The following RASAL2 variants were observed in gnomAD, a reference collection of about 807,000 sequenced individuals.
RASAL2 encodes ras GTPase-activating protein nGAP.
Under a neutral mutation model 128.9 loss-of-function variants are expected in RASAL2, and 58 were observed. That is an observed-to-expected ratio of 0.45 (90% CI 0.36 to 0.56). RASAL2 has a LOEUF of 0.56. RASAL2 is among the 20% of genes least tolerant of loss of function. The pLI, the probability that RASAL2 is intolerant of heterozygous loss-of-function variation, is 0.00. For synonymous variants in RASAL2, 561 were observed against 580.8 expected, an observed-to-expected ratio of 0.97 and a Z score of 0.49; for missense variants, 1,360 against 1,601.6, an observed-to-expected ratio of 0.85 and a Z score of 2.57.
In RASAL2 at chr1:178,478,809, G is replaced by A. The variant is rs1343982047; in HGVS notation, c.*5570G>A. On this transcript the variant is annotated 3_prime_UTR_variant, in exon 18 of 18. Coordinates refer to ENST00000367649, the MANE Select transcript of RASAL2 (RefSeq NM_170692.4). ...ATAGATACGTTTGAGGTCTTTTATTGATATTCCTACAAAGAATACAAATAA... is the reference window on the plus strand; with the variant it reads ...ATAGATACGTTTGAGGTCTTTTATTAATATTCCTACAAAGAATACAAATAA... 1 of 152,064 alleles carries A rather than the reference G, an allele frequency of 6.6e-6. No individual in the cohort carries two copies. The highest frequency in any genetic ancestry group is 1.9e-4 in the East Asian group (1 of 5,190). 9.4% of individuals were successfully genotyped at this position (152,064 alleles called of 1,614,324 possible).
intron 4 of RASAL2, among the ~76,000 whole-genome samples, chr1:178,419,727 G>T (rs1014806772): frequency 2.0e-5 from 3 of 152,132 alleles, no homozygotes; most frequent in Non-Finnish European, 2.9e-5. Context: ...CTCACTATTT[G>T]CCAGGTGCAG....
At chr1:178,155,845 C>T (rs1661067786) in intron 1 of RASAL2, among the ~76,000 whole-genome samples, 3 of 152,040 alleles carry the variant, frequency 2.0e-5, no homozygotes, top group African/African-American at 7.2e-5. Flanking sequence ...ACATCTATAT[C>T]CAAGTTGTTA....
At chr1:178,144,208 C>T (rs370024492) in intron 1 of RASAL2, among the ~76,000 whole-genome samples, 131 of 152,240 alleles carry the variant, frequency 8.6e-4, no homozygotes, top group African/African-American at 3.0e-3. Context: ...AGATAGATTC[C>T]GTACAGAGAG....
At chr1:178,289,232 CTCATT>C (rs1557879558) in intron 2 of RASAL2, among the ~76,000 whole-genome samples, 1 of 152,120 alleles carries the variant, frequency 6.6e-6, no homozygotes, top group Admixed American at 6.6e-5. Flanking sequence ...GAGTTGATCA[CTCATT>C]TCTTCTCCTA....
intron 1 of RASAL2, among the ~76,000 whole-genome samples, chr1:178,254,198 A>G (rs1665203063): frequency 6.6e-6 from 1 of 152,040 alleles, no homozygotes; most frequent in South Asian, 2.1e-4. Flanking sequence ...CTTCTTCCCC[A>G]TCATTTTATT....
chr1:178,126,017 A>C (rs904446430), intron 1 of RASAL2, among the ~76,000 whole-genome samples: 1 of 152,226 alleles, frequency 6.6e-6, no homozygotes, highest in Non-Finnish European at 1.5e-5. Flanking sequence ...AATGTTTACT[A>C]TGTGCCAGAC....
At chr1:178,300,202 G>T in intron 3 of RASAL2, 84 bp downstream of exon 3, 1 of 1,414,292 alleles carries the variant, frequency 7.1e-7, no homozygotes, top group Non-Finnish European at 9.5e-7. Context: ...AGAACATCCT[G>T]CATTTCCTGT....
chr1:178,247,112 T>C (rs1243693806), intron 1 of RASAL2, among the ~76,000 whole-genome samples: 1 of 152,226 alleles, frequency 6.6e-6, no homozygotes, highest in Non-Finnish European at 1.5e-5. Flanking sequence ...CCTCTTTTTC[T>C]GTTGTTTGGA....
At chr1:178,380,597 CCAGA>C (rs1470329955) in intron 3 of RASAL2, among the ~76,000 whole-genome samples, 2 of 151,998 alleles carry the variant, frequency 1.3e-5, no homozygotes, top group Non-Finnish European at 2.9e-5. Context: ...GGGCAGGTGT[CCAGA>C]CAAAGTATGC....
chr1:178,290,551 TAGAC>T (rs549274137), intron 2 of RASAL2, among the ~76,000 whole-genome samples: 93 of 152,326 alleles, frequency 6.1e-4, no homozygotes, highest in Admixed American at 5.6e-3. Context: ...CATTTGGAAT[TAGAC>T]AGCAGTGGTA....
rs144506338 is a variant in RASAL2 at position 178,457,020 on chromosome 1, C to A, written c.2390+121C>A. 7.6e-6 allele frequency: 7 copies of A among 921,344 alleles called. No individual in the cohort carries two copies. The East Asian group carries it at 1.5e-4, about 20-fold the overall frequency. 57.1% of individuals were successfully genotyped at this position (921,344 alleles called of 1,614,324 possible). ...AAATCATGAGCAACTGAAGACTCAT[C>A]TGACCTGAGAGCAGTCCAATTATTT... On this transcript the variant is annotated intron_variant, in intron 13 of 17. Transcript: ENST00000367649.
intron 1 of RASAL2, among the ~76,000 whole-genome samples, chr1:178,106,196 A>C (rs1393596736): frequency 6.6e-6 from 1 of 152,162 alleles, no homozygotes; most frequent in East Asian, 1.9e-4. Context: ...TTTATGTAAT[A>C]ATTTTCCAAA....
At chr1:178,390,063 T>C in intron 3 of RASAL2, 37 bp from the exon 4 acceptor site, 5 of 1,405,718 alleles carry the variant, frequency 3.6e-6, no homozygotes, top group Non-Finnish European at 4.9e-6. Context: ...AAATTTGGGG[T>C]TCTTAATGAT....
chr1:178,124,828 GT>G (rs201344402), intron 1 of RASAL2, among the ~76,000 whole-genome samples: 1 of 151,864 alleles, frequency 6.6e-6, no homozygotes, highest in Admixed American at 6.6e-5. Flanking sequence ...AGTTGATTTG[GT>G]TTTTTAAAAA....
At chr1:178,462,154 C>T (rs1296751885) in intron 14 of RASAL2, among the ~76,000 whole-genome samples, 1 of 152,152 alleles carries the variant, frequency 6.6e-6, no homozygotes, top group Non-Finnish European at 1.5e-5. Context: ...TACTAACCTC[C>T]TCCCTCAATT....
intron 5 of RASAL2, among the ~76,000 whole-genome samples, chr1:178,434,646 G>A (rs924924605): frequency 1.3e-5 from 2 of 152,014 alleles, no homozygotes; most frequent in South Asian, 2.1e-4. Flanking sequence ...AGAGACTACT[G>A]GCTTTAACTA....
At chr1:178,136,259 T>C (rs1230012144) in intron 1 of RASAL2, among the ~76,000 whole-genome samples, 1 of 152,194 alleles carries the variant, frequency 6.6e-6, no homozygotes, top group East Asian at 1.9e-4. Flanking sequence ...GGCAATATAA[T>C]GTAGCAGAAA....
chr1:178,309,052 G>C (rs539530849), intron 3 of RASAL2, among the ~76,000 whole-genome samples: 1 of 151,932 alleles, frequency 6.6e-6, no homozygotes, highest in Non-Finnish European at 1.5e-5. Flanking sequence ...TCTGTGTATG[G>C]TAGTACTCAA....
At chr1:178,312,995 G>T (rs1668332120) in intron 3 of RASAL2, among the ~76,000 whole-genome samples, 1 of 152,146 alleles carries the variant, frequency 6.6e-6, no homozygotes. Flanking sequence ...GCATAGAGAG[G>T]TGAAGTAACT....
Sources: allele counts gnomAD v4.1 joint callset (sites outside exome capture counted in the v4.1 genomes callset), GRCh38; gene constraint gnomAD v4.1.1; transcripts MANE v1.5; gene names NCBI Gene and HGNC (gene_info 2026-07-23, HGNC 2026-07-21).